SNTG1: variants seen among roughly 807,000 people sequenced by gnomAD.
The protein encoded by SNTG1 is gamma-1-syntrophin.
In SNTG1, 39 loss-of-function variants were observed where a neutral mutation model predicts 74.7. The ratio of observed to expected loss-of-function variants is 0.52; its 90% CI spans 0.40 to 0.68. The LOEUF is 0.68. SNTG1 is among the 30% of genes least tolerant of loss of function. SNTG1 has a pLI of 0.00. For synonymous variants in SNTG1, 254 were observed against 217.1 expected (o/e 1.17, Z -1.49); for missense variants, 685 against 609.5 (o/e 1.12, Z -1.30).
intron 1 of SNTG1, among the ~76,000 whole-genome samples, chr8:50,096,903 C>G (rs939521926): frequency 3.3e-5 from 5 of 152,024 alleles, no homozygotes; most frequent in Non-Finnish European, 7.4e-5. Flanking sequence ...AGTAGTGTTA[C>G]TCAAAAAGTA....
intron 1 of SNTG1, among the ~76,000 whole-genome samples, chr8:49,922,856 T>C (rs745365805): frequency 1.3e-5 from 2 of 152,132 alleles, no homozygotes; most frequent in Admixed American, 6.6e-5. Flanking sequence ...ACTAAAAAAA[T>C]CAATGACTTG....
chr8:50,752,490 T>C (rs2095570063), intron 18 of SNTG1, among the ~76,000 whole-genome samples: 2 of 151,938 alleles, frequency 1.3e-5, no homozygotes, highest in South Asian at 4.1e-4. Context: ...TTACATTTTA[T>C]TTACATATAT....
At chr8:50,704,227 TG>T (rs1439757847) in intron 15 of SNTG1, among the ~76,000 whole-genome samples, 1 of 152,184 alleles carries the variant, frequency 6.6e-6, no homozygotes, top group African/African-American at 2.4e-5. Context: ...TTTACAAACA[TG>T]TTCACAAGCA....
intron 2 of SNTG1, among the ~76,000 whole-genome samples, chr8:50,281,460 G>T (rs1204055075): frequency 6.6e-6 from 1 of 152,160 alleles, no homozygotes; most frequent in African/African-American, 2.4e-5. Context: ...AGCTGTTGTA[G>T]CGATTTCTCT....
At chr8:50,288,929 A>C (rs2088935839) in intron 2 of SNTG1, among the ~76,000 whole-genome samples, 1 of 152,274 alleles carries the variant, frequency 6.6e-6, no homozygotes, top group Admixed American at 6.5e-5. Context: ...CTGTGTCCTA[A>C]GGTTAAATGT....
chr8:50,246,910 C>T (rs7464491), intron 2 of SNTG1, among the ~76,000 whole-genome samples: 85,960 of 152,038 alleles, frequency 0.57, 28,012 homozygotes, highest in East Asian at 0.83. Context: ...AACACTGAAG[C>T]CACTGTTACA....
intron 2 of SNTG1, among the ~76,000 whole-genome samples, chr8:50,298,653 C>T (rs750106895): frequency 3.3e-5 from 5 of 152,088 alleles, no homozygotes; most frequent in Admixed American, 6.6e-5. Flanking sequence ...TATTAAAAAC[C>T]TAACAAGCTT....
chr8:50,579,104 T>C (rs1279761098), intron 12 of SNTG1, among the ~76,000 whole-genome samples: 5 of 152,176 alleles, frequency 3.3e-5, no homozygotes, highest in Admixed American at 6.5e-5. Flanking sequence ...ACTTGTTGAA[T>C]GGCTTTGACC....
intron 13 of SNTG1, among the ~76,000 whole-genome samples, chr8:50,604,835 C>T (rs2094800991): frequency 6.6e-6 from 1 of 152,142 alleles, no homozygotes. Flanking sequence ...CTAGTCACAA[C>T]AGCTGGAAAT....
In SNTG1 at chr8:50,473,085, T is replaced by A. The variant is rs182771609; in HGVS notation, c.363+22356T>A. Reference sequence around the variant, plus strand: ...GCTTTGTGTCCCCAACCTAATCTCATCTTGAATTGCAATCCCCACGTTCCC... The same window carrying A: ...GCTTTGTGTCCCCAACCTAATCTCAACTTGAATTGCAATCCCCACGTTCCC... On this transcript the variant is annotated intron_variant, in intron 8 of 18. Transcript: ENST00000642720. Among the ~76,000 whole-genome samples, 276 of 152,252 alleles carry A rather than the reference T, an allele frequency of 1.8e-3. 4 individuals are homozygous for A. The highest frequency in any genetic ancestry group is 6.3e-3 in the African/African-American group (261 of 41,558).
intron 1 of SNTG1, among the ~76,000 whole-genome samples, chr8:50,055,749 T>C (rs1364915119): frequency 6.6e-6 from 1 of 152,114 alleles, no homozygotes; most frequent in Non-Finnish European, 1.5e-5. Context: ...TCGAAGTTGG[T>C]CCTAACTCAT....
At chr8:50,266,700 G>A (rs1366155707) in intron 2 of SNTG1, among the ~76,000 whole-genome samples, 4 of 96,118 alleles carry the variant, frequency 4.2e-5, no homozygotes, top group Non-Finnish European at 8.7e-5. Flanking sequence ...ATATATATAT[G>A]AATGATACAA....
chr8:50,362,794 C>T (rs528868050), intron 2 of SNTG1, among the ~76,000 whole-genome samples: 135 of 152,172 alleles, frequency 8.9e-4, no homozygotes, highest in South Asian at 3.1e-3. Context: ...GGGAAGTATA[C>T]TTTACTCTGG....
At chr8:50,079,598 T>C (rs1440260857) in intron 1 of SNTG1, among the ~76,000 whole-genome samples, 1 of 152,206 alleles carries the variant, frequency 6.6e-6, no homozygotes, top group Non-Finnish European at 1.5e-5. Context: ...TTGGCTTTTG[T>C]TCCAATTGCT....
rs148490686 is a variant in SNTG1 at position 49,997,459 on chromosome 8, C to T, written c.-103+85228C>T. ...TCCCTTAACTCAGAGGAGTCATGTA[C>T]TTCCTGTATCTAAATCCTTCCCTCC... On this transcript the variant is annotated intron_variant, in intron 1 of 18. Coordinates refer to ENST00000642720, the MANE Select transcript of SNTG1 (RefSeq NM_018967.5). Among the ~76,000 whole-genome samples, 591 of 152,202 alleles carry T rather than the reference C, an allele frequency of 3.9e-3. 8 individuals carry two copies. The highest frequency in any genetic ancestry group is 0.012 in the African/African-American group (492 of 41,536).
intron 1 of SNTG1, among the ~76,000 whole-genome samples, chr8:50,052,301 C>G (rs1292168880): frequency 6.6e-6 from 1 of 152,032 alleles, no homozygotes; most frequent in East Asian, 1.9e-4. Context: ...AACATTTTAT[C>G]AATGTGGCCA....
At chr8:49,917,272 G>A (rs937253318) in intron 1 of SNTG1, among the ~76,000 whole-genome samples, 1 of 152,008 alleles carries the variant, frequency 6.6e-6, no homozygotes, top group Non-Finnish European at 1.5e-5. Flanking sequence ...TCATTATTAT[G>A]TCCATGAGAA....
intron 18 of SNTG1, among the ~76,000 whole-genome samples, chr8:50,776,067 T>C (rs1269397782): frequency 1.3e-5 from 2 of 151,532 alleles, no homozygotes; most frequent in African/African-American, 4.8e-5. Context: ...TGTGTATTGA[T>C]TGGTGTATTT....
At chr8:50,045,622 A>C (rs1040180640) in intron 1 of SNTG1, among the ~76,000 whole-genome samples, 2 of 152,154 alleles carry the variant, frequency 1.3e-5, no homozygotes, top group Non-Finnish European at 2.9e-5. Flanking sequence ...TTCATTTCTA[A>C]ATCAGAGATA....
Sources: gnomAD v4.1 joint callset for allele counts (sites outside exome capture counted in the v4.1 genomes callset) on GRCh38, gnomAD v4.1.1 for gene constraint, MANE v1.5 for transcripts, NCBI Gene and HGNC (gene_info 2026-07-23, HGNC 2026-07-21) for gene names.